SLC5A4: variants seen among roughly 807,000 people sequenced by gnomAD.
SLC5A4 encodes the protein probable glucose sensor protein SLC5A4.
In SLC5A4, 55 loss-of-function variants were observed where a neutral mutation model predicts 70.3. The observed-to-expected ratio is 0.78, with a 90% CI of 0.63 to 0.98. SLC5A4 has a LOEUF of 0.98. SLC5A4 is among the 50% of genes least tolerant of loss of function. The pLI is 0.00. For synonymous variants in SLC5A4, 268 were observed against 305.7 expected, an observed-to-expected ratio of 0.88 and a Z score of 1.29; for missense variants, 735 against 839.2, an observed-to-expected ratio of 0.88 and a Z score of 1.53.
chr22:32,279,466 G>GTCA, the SLC5A4 span, among the ~76,000 whole-genome samples: 3 of 152,026 alleles, frequency 2.0e-5, no homozygotes, highest in African/African-American at 7.2e-5. Flanking sequence ...AACAAAGCAG[G>GTCA]TCATCTGCCA....
the SLC5A4 span, chr22:32,271,642 C>T: frequency 1.6e-6 from 1 of 614,954 alleles, no homozygotes; most frequent in Non-Finnish European, 3.0e-6. Context: ...TCTGCGGCCC[C>T]TCACCTCACT....
chr22:32,274,335 C>T, the SLC5A4 span, among the ~76,000 whole-genome samples: 6 of 152,186 alleles, frequency 3.9e-5, no homozygotes, highest in East Asian at 7.7e-4. Context: ...CCACTGCGCC[C>T]GGCCCAACAT....
the SLC5A4 span, among the ~76,000 whole-genome samples, chr22:32,275,596 T>A: frequency 6.6e-6 from 1 of 152,250 alleles, no homozygotes; most frequent in Non-Finnish European, 1.5e-5. Context: ...ATGTGCCACA[T>A]TTTCTTAATC....
chr22:32,286,192 G>A, the SLC5A4 span, among the ~76,000 whole-genome samples: 42,977 of 152,028 alleles, frequency 0.28, 6,134 homozygotes, highest in African/African-American at 0.32. Flanking sequence ...TACTTTTGTT[G>A]TATTAAATTA....
At chr22:32,254,025 C>A (rs1927322062) in intron 2 of SLC5A4, 117 bp downstream of exon 2, 1 of 809,510 alleles carries the variant, frequency 1.2e-6, no homozygotes, top group African/African-American at 1.7e-5. Context: ...AGATGATCTG[C>A]CAGCCTTGGC....
the SLC5A4 span, among the ~76,000 whole-genome samples, chr22:32,316,617 C>A: frequency 6.6e-6 from 1 of 151,984 alleles, no homozygotes; most frequent in African/African-American, 2.4e-5. Flanking sequence ...ATAACCTCTG[C>A]CTCTTGGGTT....
the SLC5A4 span, among the ~76,000 whole-genome samples, chr22:32,289,071 G>A: frequency 5.9e-5 from 9 of 152,204 alleles, no homozygotes; most frequent in Non-Finnish European, 1.0e-4. Flanking sequence ...CGTATTTCAA[G>A]TATTGAGACA....
the SLC5A4 span, among the ~76,000 whole-genome samples, chr22:32,355,061 G>T: frequency 6.7e-6 from 1 of 149,724 alleles, no homozygotes; most frequent in African/African-American, 2.4e-5. Context: ...AGCTTGGAAT[G>T]ACAAAACTCC....
chr22:32,304,906 T>C, the SLC5A4 span, among the ~76,000 whole-genome samples: 3 of 152,034 alleles, frequency 2.0e-5, no homozygotes, highest in Non-Finnish European at 4.4e-5. Context: ...TTTTGTGGAG[T>C]GTAAAGTCTG....
chr22:32,230,408 A>G (rs1925677448), intron 10 of SLC5A4, among the ~76,000 whole-genome samples: 1 of 152,132 alleles, frequency 6.6e-6, no homozygotes, highest in African/African-American at 2.4e-5. Context: ...ATCTCATACT[A>G]CTAGATTTTG....
chr22:32,243,802 C>T (rs1161116640), intron 5 of SLC5A4, among the ~76,000 whole-genome samples: 1 of 152,184 alleles, frequency 6.6e-6, no homozygotes, highest in East Asian at 1.9e-4. Context: ...GCCTAGCCAA[C>T]ATGGTGAAAC....
the SLC5A4 span, among the ~76,000 whole-genome samples, chr22:32,268,014 C>T: frequency 6.6e-6 from 1 of 152,052 alleles, no homozygotes; most frequent in Non-Finnish European, 1.5e-5. Flanking sequence ...GTCCCAGGTA[C>T]TTGGGAAGCT....
chr22:32,263,812 A>G, the SLC5A4 span, among the ~76,000 whole-genome samples: 2 of 152,340 alleles, frequency 1.3e-5, no homozygotes, highest in African/African-American at 4.8e-5. Flanking sequence ...ATGCCCATCA[A>G]TGGTAGACTG....
chr22:32,348,617 A>G, the SLC5A4 span, among the ~76,000 whole-genome samples: 1 of 152,220 alleles, frequency 6.6e-6, no homozygotes, highest in Non-Finnish European at 1.5e-5. Context: ...TGTTAAAGCT[A>G]CTTTTTAATA....
intron 2 of SLC5A4, among the ~76,000 whole-genome samples, chr22:32,253,597 A>G (rs781187433): frequency 6.6e-6 from 1 of 152,186 alleles, no homozygotes; most frequent in South Asian, 2.1e-4. Context: ...AGAAAAGAAT[A>G]TAAGGTGGGG....
At chr22:32,322,117 G>A in the SLC5A4 span, among the ~76,000 whole-genome samples, 2 of 152,162 alleles carry the variant, frequency 1.3e-5, no homozygotes, top group Non-Finnish European at 2.9e-5. Context: ...CAGGAGGTGT[G>A]ACCAGCTCAA....
intron 2 of SLC5A4, 53 bp from the exon 3 acceptor site, chr22:32,251,927 T>C (rs1927190449): frequency 1.5e-6 from 2 of 1,330,998 alleles, no homozygotes; most frequent in Admixed American, 3.4e-5. Context: ...CAAATCAGAC[T>C]TCTTGAAAAT....
At chr22:32,327,931 G>A in the SLC5A4 span, among the ~76,000 whole-genome samples, 7 of 152,186 alleles carry the variant, frequency 4.6e-5, no homozygotes, top group Non-Finnish European at 1.0e-4. Flanking sequence ...GGCCCAAGAT[G>A]TTTAACCAGA....
the SLC5A4 span, among the ~76,000 whole-genome samples, chr22:32,279,491 A>C: frequency 5.9e-5 from 9 of 151,870 alleles, no homozygotes; most frequent in Non-Finnish European, 1.2e-4. Context: ...AAGAGACACA[A>C]AAAAAATGTT....
Sources: gnomAD v4.1 joint callset for allele counts (sites outside exome capture counted in the v4.1 genomes callset) on GRCh38, gnomAD v4.1.1 for gene constraint, MANE v1.5 for transcripts, NCBI Gene and HGNC (gene_info 2026-07-23, HGNC 2026-07-21) for gene names.